The following IQSEC3 variants were observed in gnomAD, a reference collection of about 807,000 sequenced individuals.
IQSEC3 encodes the protein IQ motif and SEC7 domain-containing protein 3.
A neutral mutation model predicts 105.4 loss-of-function variants in IQSEC3; 50 were observed. That is an observed-to-expected ratio of 0.47 (90% CI 0.38 to 0.60). IQSEC3 has a LOEUF of 0.60. Among genes scored for constraint, IQSEC3 ranks in the 20% least tolerant of loss-of-function variants. The pLI, the probability that IQSEC3 is intolerant of heterozygous loss-of-function variation, is 0.00. For synonymous variants in IQSEC3, 708 were observed against 746.0 expected (o/e 0.95, Z 0.83); for missense variants, 1,415 against 1,630.0 (o/e 0.87, Z 2.27).
chr12:170,301 T>TGC (rs1938913459), intron 12 of IQSEC3, among the ~76,000 whole-genome samples: 1 of 152,214 alleles, frequency 6.6e-6, no homozygotes, highest in African/African-American at 2.4e-5. Context: ...TGTCATTCCC[T>TGC]GCCATTCCTT....
chr12:165,595 C>G (rs528073370), intron 10 of IQSEC3, 62 bp downstream of exon 10: 1 of 1,549,080 alleles, frequency 6.5e-7, no homozygotes, highest in South Asian at 1.1e-5. Flanking sequence ...ATGGCTGGGG[C>G]GAGTTGAGGG....
At chr12:107,465 A>G (rs1283549649) in intron 2 of IQSEC3, among the ~76,000 whole-genome samples, 1 of 122,494 alleles carries the variant, frequency 8.2e-6, no homozygotes, top group African/African-American at 3.2e-5. Flanking sequence ...GCTGGGGTGC[A>G]GTGGCACAAT....
rs868964209 is a variant in IQSEC3, at chr12:102,873, G to A, written c.623+3659G>A. The stretch of plus-strand genomic sequence containing the variant: ...GCTGGCAAAGCCCTGAAAGCCCTGC[G>A]AAGCTGGATAACCAGATAGAGTTAT... On this transcript the variant is annotated intron_variant, in intron 2 of 13. Transcript: ENST00000538872. Among the ~76,000 whole-genome samples the A allele has an allele frequency of 7.2e-5, 11 of 152,338 alleles. 1 individual carries two copies. The Middle Eastern group carries it at 0.017, about 236-fold the overall frequency.
chr12:110,277 TCTTAGTA>T (rs1555079220), intron 2 of IQSEC3, among the ~76,000 whole-genome samples: 4 of 152,190 alleles, frequency 2.6e-5, no homozygotes, highest in Non-Finnish European at 5.9e-5. Context: ...TTTTGCAGTT[TCTTAGTA>T]ATATCAGGCC....
chr12:90,580 T>C lies in IQSEC3; in HGVS notation c.555-8566T>C, dbSNP rs185466691. 5.6e-3 allele frequency among the ~76,000 whole-genome samples: 757 copies of C among 134,616 alleles called. 7 individuals carry two copies. Among genetic ancestry groups the C allele is most frequent in the African/African-American group, 0.02 (687 of 34,216 alleles). The allele number at this position is 134,616 out of a possible 152,430, so 88.3% of individuals were successfully genotyped here. A position where few individuals can be genotyped will look rare whatever the true frequency, so the allele number is the denominator to read the frequency against. On this transcript the variant is annotated intron_variant, in intron 1 of 13. Transcript: ENST00000538872. ...TGTTTCAGCACTATCTGTTAAAAAG[T>C]TTATCATTCCTTTTTGAATGCCTTG...
chr12:164,211 CTCTA>C (rs1222507220), intron 9 of IQSEC3, among the ~76,000 whole-genome samples: 12 of 152,188 alleles, frequency 7.9e-5, no homozygotes, highest in African/African-American at 2.7e-4. Flanking sequence ...CACCGGCCCT[CTCTA>C]TCCATGAGCC....
At chr12:163,786 C>T (rs550475431) in intron 9 of IQSEC3, among the ~76,000 whole-genome samples, 167 bp downstream of exon 9, 25 of 152,308 alleles carry the variant, frequency 1.6e-4, no homozygotes, top group South Asian at 4.1e-4. Flanking sequence ...ACACCGTGGG[C>T]GTGAGGGGGC....
intron 2 of IQSEC3, among the ~76,000 whole-genome samples, chr12:109,331 C>T (rs1309791993): frequency 6.6e-6 from 1 of 152,108 alleles, no homozygotes; most frequent in African/African-American, 2.4e-5. Flanking sequence ...CCCTCCTTCT[C>T]ACCATTTGCT....
rs151163146 is a variant in IQSEC3, at chr12:171,125, C to T, written c.3078C>T (p.Ala1026=). The T allele has an allele frequency of 9.0e-4, 1,458 of 1,614,018 alleles. 2 individuals carry two copies. Among genetic ancestry groups the T allele is most frequent in the Non-Finnish European group, 8.2e-4 (973 of 1,179,974 alleles). The part of the protein sequence containing the change: ...KQGSPTAKRE[A]ALRERPAEST... ...TTGCATTCAAAGCCAAAAGGGAAGC[C>T]GCGCTCAGGGAGAGGCCGGCGGAGA... The change falls in exon 13 of 14, where the codon GCC becomes GCT. Residue 1026 remains alanine (A), a synonymous_variant. Coordinates refer to ENST00000538872, the MANE Select transcript of IQSEC3 (RefSeq NM_001170738.2).
intron 2 of IQSEC3, among the ~76,000 whole-genome samples, chr12:102,889 A>T (rs1555076593): frequency 1.3e-5 from 2 of 152,154 alleles, no homozygotes; most frequent in Non-Finnish European, 2.9e-5. Context: ...GGATAACCAG[A>T]TAGAGTTATT....
chr12:157,949 G>A (rs527718255), intron 7 of IQSEC3, among the ~76,000 whole-genome samples: 1 of 152,362 alleles, frequency 6.6e-6, no homozygotes, highest in African/African-American at 2.4e-5. Context: ...CGTGGAACAT[G>A]GTTGGCCTCT....
intron 7 of IQSEC3, among the ~76,000 whole-genome samples, chr12:161,121 C>T (rs1386821837): frequency 6.6e-6 from 1 of 152,134 alleles, no homozygotes; most frequent in African/African-American, 2.4e-5. Flanking sequence ...GTGTGGAAGG[C>T]GGGGTGTCCT....
At chr12:89,078 G>T (rs1303801137) in intron 1 of IQSEC3, among the ~76,000 whole-genome samples, 2 of 152,132 alleles carry the variant, frequency 1.3e-5, no homozygotes, top group African/African-American at 4.8e-5. Context: ...TAGAGTAGGG[G>T]CTGGGTCTGC....
intron 2 of IQSEC3, among the ~76,000 whole-genome samples, chr12:107,411 T>C (rs112246408): frequency 3.0e-5 from 4 of 132,442 alleles, no homozygotes; most frequent in African/African-American, 1.2e-4. Context: ...TCTTTTTTTT[T>C]TTTTTTTTTT....
chr12:97,140 T>TG (rs1344882616), intron 1 of IQSEC3, among the ~76,000 whole-genome samples: 35 of 152,252 alleles, frequency 2.3e-4, no homozygotes, highest in Non-Finnish European at 4.0e-4. Flanking sequence ...GCGTATTTGT[T>TG]GGCTCTTTAG....
At chr12:91,770 G>T (rs1864093408) in intron 1 of IQSEC3, among the ~76,000 whole-genome samples, 1 of 152,128 alleles carries the variant, frequency 6.6e-6, no homozygotes, top group African/African-American at 2.4e-5. Context: ...GATGGAGTGA[G>T]ACCCTGTCTC....
rs2137040919 is a variant in IQSEC3, at chr12:157,625, G to A, written c.2374G>A (p.Asp792Asn). The change falls in exon 7 of 14, where the codon GAC (aspartate) becomes AAC (asparagine). Residue 792 changes from aspartate (D) to asparagine (N), a missense_variant. Around this residue, in one of 6 missense-constraint regions of IQSEC3, gnomAD observed 213 missense variants for 306.2 expected, o/e 0.70. Coordinates refer to ENST00000538872, the MANE Select transcript of IQSEC3 (RefSeq NM_001170738.2). Reference protein sequence around the residue: ...LAFAIILLNTDMYSPNIKPDR... With the variant: ...LAFAIILLNTNMYSPNIKPDR... ...CTTCGCCATCATCCTCCTCAACACC[G>A]ACATGTACAGCCCCAACATCAAGCC... is the stretch of plus-strand genomic sequence containing the variant. 6.2e-7 allele frequency: 1 copy of A among 1,614,108 alleles called. No individual in the cohort carries two copies. The highest frequency in any genetic ancestry group is 1.1e-5 in the South Asian group (1 of 91,074).
At chr12:114,346 A>G (rs1421672754) in intron 2 of IQSEC3, among the ~76,000 whole-genome samples, 2 of 152,218 alleles carry the variant, frequency 1.3e-5, no homozygotes, top group South Asian at 2.1e-4. Context: ...AGGGACCTGA[A>G]CAACATGCTT....
chr12:68,319 C>A (rs1239208999), intron 1 of IQSEC3, among the ~76,000 whole-genome samples: 2 of 152,210 alleles, frequency 1.3e-5, no homozygotes, highest in Non-Finnish European at 2.9e-5. Flanking sequence ...AGTTGGTATT[C>A]AGATGCCATG....
Sources: allele counts gnomAD v4.1 joint callset (sites outside exome capture counted in the v4.1 genomes callset), GRCh38; gene constraint gnomAD v4.1.1; regional missense constraint gnomAD v4.1.1; transcripts MANE v1.5; gene names NCBI Gene and HGNC (gene_info 2026-07-23, HGNC 2026-07-21).